Variants in STXBP5 observed in about 807,000 individuals in gnomAD.
The protein encoded by STXBP5 is syntaxin binding protein 5, also known as syntaxin-binding protein 5.
STXBP5 carries 50 observed loss-of-function variants against 152.4 expected under a neutral mutation model. The ratio of observed to expected loss-of-function variants is 0.33; its 90% CI spans 0.26 to 0.42. The LOEUF (loss-of-function observed/expected upper bound fraction) is 0.42. Among genes scored for constraint, STXBP5 ranks in the 10% least tolerant of loss-of-function variants. STXBP5 has a pLI of 1.00. For synonymous variants in STXBP5, 492 were observed against 494.7 expected (o/e 0.99, Z 0.07); for missense variants, 1,167 against 1,388.6 (o/e 0.84, Z 2.54).
chr6:147,219,024 T>C (rs576067923), intron 2 of STXBP5, among the ~76,000 whole-genome samples: 1 of 152,270 alleles, frequency 6.6e-6, no homozygotes, highest in African/African-American at 2.4e-5. Flanking sequence ...TTGCCTTGTT[T>C]CTGATTGTAG....
At chr6:147,234,100 T>C (rs1778152745) in intron 2 of STXBP5, among the ~76,000 whole-genome samples, 1 of 151,730 alleles carries the variant, frequency 6.6e-6, no homozygotes, top group South Asian at 2.1e-4. Flanking sequence ...AATTTTTTCA[T>C]TAAGAACTTT....
rs569899517 is a variant in STXBP5, at chr6:147,289,837, C to T, written c.839-1257C>T. Among the ~76,000 whole-genome samples the T allele has an allele frequency of 8.1e-3, 1,236 of 152,228 alleles. 18 individuals carry two copies. The highest frequency in any genetic ancestry group is 0.029 in the African/African-American group (1,186 of 41,546). ...AACCTATCTAGAATAAAACTTTACC[C>T]AGATATACTATATGCCAAACAATGT... is the stretch of plus-strand genomic sequence containing the variant. On this transcript the variant is annotated intron_variant, in intron 8 of 27. Coordinates refer to ENST00000321680, the MANE Select transcript of STXBP5 (RefSeq NM_001127715.4).
In STXBP5 at chr6:147,258,650, G is replaced by A. The variant is rs367665687; in HGVS notation, c.432-1965G>A. ...GGGTTTCACCGTGTTAGCCAGGATG[G>A]TCTCGATCTCCTGACCTCGTGATCT... On this transcript the variant is annotated intron_variant, in intron 4 of 27. Coordinates refer to ENST00000321680, the MANE Select transcript of STXBP5 (RefSeq NM_001127715.4). 9.9e-5 allele frequency among the ~76,000 whole-genome samples: 15 copies of A among 152,070 alleles called. No individual in the cohort carries two copies. In the East Asian group the frequency reaches 1.2e-3, roughly 12 times the overall value.
intron 4 of STXBP5, among the ~76,000 whole-genome samples, chr6:147,251,105 A>G (rs1458193076): frequency 4.0e-5 from 6 of 151,888 alleles, no homozygotes; most frequent in African/African-American, 1.5e-4. Context: ...TCTCATTGGG[A>G]TTGGTTAGAC....
intron 11 of STXBP5, among the ~76,000 whole-genome samples, chr6:147,312,831 C>A (rs1782453584): frequency 6.6e-6 from 1 of 152,066 alleles, no homozygotes; most frequent in South Asian, 2.1e-4. Context: ...ATATGATTTT[C>A]TTTTATTTTT....
chr6:147,322,742 A>G (rs542786514), intron 16 of STXBP5, among the ~76,000 whole-genome samples: 1 of 152,370 alleles, frequency 6.6e-6, no homozygotes, highest in African/African-American at 2.4e-5. Flanking sequence ...AAGTCATAGT[A>G]GAGTTTTTTA....
At chr6:147,322,767 A>G (rs915114376) in intron 16 of STXBP5, among the ~76,000 whole-genome samples, 1 of 152,250 alleles carries the variant, frequency 6.6e-6, no homozygotes, top group African/African-American at 2.4e-5. Context: ...AAAAGCAGTC[A>G]CACACTAAAA....
chr6:147,224,524 G>A (rs191893457), intron 2 of STXBP5, among the ~76,000 whole-genome samples: 1 of 152,212 alleles, frequency 6.6e-6, no homozygotes, highest in Admixed American at 6.5e-5. Flanking sequence ...ATCAGGTTAA[G>A]AATGCAAATG....
rs183321611 is a variant in STXBP5 at position 147,247,255 on chromosome 6, T to C, written c.431+7985T>C. Among the ~76,000 whole-genome samples the C allele has an allele frequency of 9.8e-5, 15 of 152,336 alleles. No individual in the cohort carries two copies. In the East Asian group the frequency reaches 2.9e-3, roughly 29 times the overall value. On this transcript the variant is annotated intron_variant, in intron 4 of 27. Transcript: ENST00000321680. Reference sequence around the variant, plus strand: ...TGCTAATCGCATAACATTATCAAAATTCGTTTCTTTGAAAACAGCTTAATG... The same window carrying C: ...TGCTAATCGCATAACATTATCAAAACTCGTTTCTTTGAAAACAGCTTAATG...
chr6:147,260,915 C>T (rs976098060), intron 5 of STXBP5, among the ~76,000 whole-genome samples, 166 bp downstream of exon 5: 6 of 151,876 alleles, frequency 4.0e-5, no homozygotes. Flanking sequence ...TTTGACATGG[C>T]AATTTGTAAA....
At position 147,213,480 on chromosome 6, in the gene STXBP5, G is replaced by A. The variant is rs976157164; in HGVS notation, c.248+7412G>A. The stretch of plus-strand genomic sequence containing the variant: ...TGTGTGTGTGTGTGTGTGTGTGTGC[G>A]CGCGCATATATATATTTTTTCTTTT... On this transcript the variant is annotated intron_variant, in intron 2 of 27. Transcript: ENST00000321680. Among the ~76,000 whole-genome samples, 10 of 148,720 alleles carry A rather than the reference G, an allele frequency of 6.7e-5. No homozygotes were observed. The East Asian group carries it at 1.4e-3, about 21-fold the overall frequency.
chr6:147,310,439 A>G (rs1782310127), intron 10 of STXBP5, among the ~76,000 whole-genome samples: 3 of 152,190 alleles, frequency 2.0e-5, no homozygotes. Flanking sequence ...AAAAAACGCT[A>G]TTCATATTAA....
intron 23 of STXBP5, among the ~76,000 whole-genome samples, chr6:147,362,588 A>T (rs1017123200): frequency 6.6e-6 from 1 of 152,174 alleles, no homozygotes; most frequent in Non-Finnish European, 1.5e-5. Context: ...AGGAATTATG[A>T]TTTTAGAGGT....
chr6:147,322,467 G>T lies in STXBP5; in HGVS notation c.1803-2492G>T, dbSNP rs747118306. 2.0e-5 allele frequency among the ~76,000 whole-genome samples: 3 copies of T among 152,162 alleles called. No individual in the cohort carries two copies. In the East Asian group the frequency reaches 5.8e-4, roughly 29 times the overall value. On this transcript the variant is annotated intron_variant, in intron 16 of 27. Transcript: ENST00000321680. ...TTACCCTGAAGTCTGAACAACTTTC[G>T]CTGTTTCCTAGCATGTATGTCATCA...
At chr6:147,292,013 C>T (rs942217877) in intron 9 of STXBP5, among the ~76,000 whole-genome samples, 1 of 152,176 alleles carries the variant, frequency 6.6e-6, no homozygotes, top group African/African-American at 2.4e-5. Context: ...ATCAAAAACT[C>T]TAGGGTCGGG....
intron 8 of STXBP5, among the ~76,000 whole-genome samples, chr6:147,283,018 A>T (rs1780774804): frequency 6.6e-6 from 1 of 152,154 alleles, no homozygotes; most frequent in Non-Finnish European, 1.5e-5. Flanking sequence ...AAATTTTCTA[A>T]TTTGTGTTGG....
intron 21 of STXBP5, among the ~76,000 whole-genome samples, chr6:147,340,873 T>G (rs1784059328): frequency 6.6e-6 from 1 of 152,174 alleles, no homozygotes; most frequent in Admixed American, 6.5e-5. Context: ...GGATAGTTCT[T>G]TGATGACATT....
chr6:147,227,324 T>G (rs2115124195), intron 2 of STXBP5, among the ~76,000 whole-genome samples: 1 of 152,268 alleles, frequency 6.6e-6, no homozygotes, highest in Non-Finnish European at 1.5e-5. Flanking sequence ...AGTAGTATAG[T>G]GTAGTGGGGG....
chr6:147,314,395 C>T, intron 13 of STXBP5, 64 bp downstream of exon 13: 1 of 1,456,410 alleles, frequency 6.9e-7, no homozygotes, highest in Middle Eastern at 1.8e-4. Flanking sequence ...ATTGAGACTA[C>T]ATGAATGTTA....
Sources: gnomAD v4.1 joint callset for allele counts (sites outside exome capture counted in the v4.1 genomes callset) on GRCh38, gnomAD v4.1.1 for gene constraint, MANE v1.5 for transcripts, NCBI Gene and HGNC (gene_info 2026-07-23, HGNC 2026-07-21) for gene names.